Variants in TMOD2 observed in about 807,000 individuals in gnomAD.
The protein encoded by TMOD2 is tropomodulin-2.
Under a neutral mutation model 39.9 loss-of-function variants are expected in TMOD2, and 22 were observed. The observed-to-expected ratio is 0.55, with a 90% CI of 0.39 to 0.79. The LOEUF is 0.79. Among genes scored for constraint, TMOD2 ranks in the 30% least tolerant of loss-of-function variants. The pLI, the probability that TMOD2 is intolerant of heterozygous loss-of-function variation, is 0.00. For synonymous variants in TMOD2, 123 were observed against 146.1 expected (o/e 0.84, Z 1.14); for missense variants, 386 against 413.3 (o/e 0.93, Z 0.57).
At chr15:51,778,100 A>G (rs1267469860) in intron 5 of TMOD2, among the ~76,000 whole-genome samples, 2 of 151,728 alleles carry the variant, frequency 1.3e-5, no homozygotes, top group East Asian at 1.9e-4. Context: ...ATGTCCAACA[A>G]TGATAGACTG....
Position 51,814,212 on chromosome 15 carries a change from G to A in TMOD2, c.*5758G>A, listed in dbSNP as rs1355024005. 6.6e-6 allele frequency: 1 copy of A among 152,286 alleles called. No homozygotes were observed. Among genetic ancestry groups the A allele is most frequent in the East Asian group, 1.9e-4 (1 of 5,200 alleles). 9.4% of individuals were successfully genotyped at this position (152,286 alleles called of 1,614,324 possible). A position where few individuals can be genotyped will look rare whatever the true frequency, so the allele number is the denominator to read the frequency against. ...GCCCTCCTGTCATTGCTGTGGGTGG[G>A]AGAGGCTAAGACTTCAGGTTTGACT... On this transcript the variant is annotated 3_prime_UTR_variant, in exon 10 of 10. Coordinates refer to ENST00000249700, the MANE Select transcript of TMOD2 (RefSeq NM_014548.4).
chr15:51,773,702 T>G lies in TMOD2; in HGVS notation c.284-10T>G. Reference sequence around the variant, plus strand: ...GTACTCAATATTTTTGTTTTTCTTCTGATTTAAAGGGAGAGTCTTTATCCC... The same window carrying G: ...GTACTCAATATTTTTGTTTTTCTTCGGATTTAAAGGGAGAGTCTTTATCCC... On this transcript the variant is annotated splice_polypyrimidine_tract_variant and intron_variant, in intron 3 of 9. Coordinates refer to ENST00000249700, the MANE Select transcript of TMOD2 (RefSeq NM_014548.4). 6.3e-7 allele frequency: 1 copy of G among 1,595,196 alleles called. No homozygotes were observed. The highest frequency in any genetic ancestry group is 8.5e-7 in the Non-Finnish European group (1 of 1,174,462).
At chr15:51,776,519 G>A (rs2055890400) in intron 4 of TMOD2, among the ~76,000 whole-genome samples, 1 of 152,170 alleles carries the variant, frequency 6.6e-6, no homozygotes, top group Admixed American at 6.5e-5. Context: ...GACATTGAAA[G>A]AGGCCTCTGG....
chr15:51,764,353 A>G (rs1225438316), intron 1 of TMOD2, among the ~76,000 whole-genome samples: 1 of 152,142 alleles, frequency 6.6e-6, no homozygotes, highest in African/African-American at 2.4e-5. Flanking sequence ...AATGGAAAAG[A>G]GCGTTGCATT....
chr15:51,803,023 A>C (rs975080273), intron 8 of TMOD2, among the ~76,000 whole-genome samples: 1 of 152,220 alleles, frequency 6.6e-6, no homozygotes, highest in African/African-American at 2.4e-5. Context: ...AACTTATTAC[A>C]AAGTAATCAA....
chr15:51,764,105 T>C (rs1595863002), intron 1 of TMOD2, among the ~76,000 whole-genome samples: 1 of 150,986 alleles, frequency 6.6e-6, no homozygotes. Context: ...AAAGGAGGGC[T>C]GGGAGACCTC....
At chr15:51,804,312 T>C (rs931543172) in intron 8 of TMOD2, among the ~76,000 whole-genome samples, 4 of 152,246 alleles carry the variant, frequency 2.6e-5, no homozygotes, top group Non-Finnish European at 4.4e-5. Flanking sequence ...TGAAAAGATA[T>C]CCTTAATGTT....
chr15:51,787,348 A>C (rs1436123962), intron 7 of TMOD2, among the ~76,000 whole-genome samples: 1 of 152,184 alleles, frequency 6.6e-6, no homozygotes, highest in Non-Finnish European at 1.5e-5. Context: ...AGCGGCATGG[A>C]AGCTCGAACT....
intron 4 of TMOD2, among the ~76,000 whole-genome samples, chr15:51,775,521 TCTC>T (rs1362251554): frequency 6.6e-6 from 1 of 151,910 alleles, no homozygotes; most frequent in African/African-American, 2.4e-5. Flanking sequence ...TGGGACACCT[TCTC>T]CTTCTCCTGT....
chr15:51,794,184 CTAAATATCCTTCAA>C (rs975712362), intron 7 of TMOD2, among the ~76,000 whole-genome samples: 7 of 152,142 alleles, frequency 4.6e-5, no homozygotes, highest in African/African-American at 1.7e-4. Context: ...AGAGATACTA[CTAAATATCCTTCAA>C]TACACAGGAC....
intron 1 of TMOD2, among the ~76,000 whole-genome samples, chr15:51,760,875 C>T (rs1255878490): frequency 6.6e-6 from 1 of 152,028 alleles, no homozygotes; most frequent in East Asian, 1.9e-4. Context: ...TGTAAAGTAA[C>T]ATATAGATGT....
Position 51,757,696 on chromosome 15 carries a change from T to C in TMOD2, c.-70+5984T>C, listed in dbSNP as rs372801087. ...GGAGGCTGTAGCAGTGCTTGCTAACTTCCCACGGCAGCATTGCTAACAGGA... is the reference window on the plus strand; with the variant it reads ...GGAGGCTGTAGCAGTGCTTGCTAACCTCCCACGGCAGCATTGCTAACAGGA... On this transcript the variant is annotated intron_variant, in intron 1 of 9. Transcript: ENST00000249700. 8.5e-5 allele frequency among the ~76,000 whole-genome samples: 13 copies of C among 152,260 alleles called. No homozygotes were observed. In the East Asian group the frequency reaches 2.1e-3, roughly 25 times the overall value.
chr15:51,806,660 T>G, intron 9 of TMOD2, 139 bp downstream of exon 9: 1 of 922,388 alleles, frequency 1.1e-6, no homozygotes, highest in Non-Finnish European at 1.6e-6. Context: ...CGCATTATTA[T>G]AATACATGGT....
chr15:51,772,120 G>T (rs1302355258), intron 3 of TMOD2, among the ~76,000 whole-genome samples: 1 of 152,194 alleles, frequency 6.6e-6, no homozygotes, highest in Non-Finnish European at 1.5e-5. Flanking sequence ...ATGCAGGAGG[G>T]TTATTGACTT....
intron 2 of TMOD2, 118 bp downstream of exon 2, chr15:51,766,685 T>C: frequency 8.8e-7 from 1 of 1,134,304 alleles, no homozygotes; most frequent in South Asian, 1.5e-5. Context: ...CTTTTCTTCC[T>C]CTGATTGGTT....
chr15:51,766,628 G>T, intron 2 of TMOD2, 61 bp downstream of exon 2: 3 of 1,553,980 alleles, frequency 1.9e-6, no homozygotes, highest in South Asian at 2.3e-5. Flanking sequence ...GGCATGGCTT[G>T]GTCCTTAAAC....
intron 7 of TMOD2, among the ~76,000 whole-genome samples, chr15:51,785,997 GTA>G (rs1231383818): frequency 6.6e-6 from 1 of 151,978 alleles, no homozygotes; most frequent in African/African-American, 2.4e-5. Context: ...TATAGTCATA[GTA>G]TAGTCTATAA....
intron 7 of TMOD2, among the ~76,000 whole-genome samples, chr15:51,793,039 A>G (rs1387362794): frequency 2.0e-5 from 3 of 152,198 alleles, no homozygotes; most frequent in South Asian, 2.1e-4. Context: ...AACATGAGCC[A>G]CAAATGGAAG....
At chr15:51,756,130 G>A (rs1233466721) in intron 1 of TMOD2, among the ~76,000 whole-genome samples, 3 of 152,154 alleles carry the variant, frequency 2.0e-5, no homozygotes, top group Non-Finnish European at 4.4e-5. Flanking sequence ...AATAGGACCC[G>A]CCATGAGAAT....
Sources: allele counts gnomAD v4.1 joint callset (sites outside exome capture counted in the v4.1 genomes callset), GRCh38; gene constraint gnomAD v4.1.1; transcripts MANE v1.5; gene names NCBI Gene and HGNC (gene_info 2026-07-23, HGNC 2026-07-21).